Variants in PRKCA observed in about 807,000 individuals in gnomAD.
The protein encoded by PRKCA is protein kinase C alpha, also known as protein kinase C alpha type.
PRKCA carries 27 observed loss-of-function variants against 87.0 expected under a neutral mutation model. That is an observed-to-expected ratio of 0.31 (90% confidence interval 0.23 to 0.43). PRKCA has a LOEUF of 0.43. Ranked by LOEUF, PRKCA falls within the 20% of genes least tolerant of loss-of-function variation. The pLI, the probability that PRKCA is intolerant of heterozygous loss-of-function variation, is 1.00. For synonymous variants in PRKCA, 329 were observed against 311.1 expected (o/e 1.06, Z -0.61); for missense variants, 518 against 852.3 (o/e 0.61, Z 4.88).
Position 66,433,455 on chromosome 17 carries a change from C to A in PRKCA, c.206-62746C>A, listed in dbSNP as rs563868779. Among the ~76,000 whole-genome samples the A allele has an allele frequency of 3.5e-4, 54 of 152,220 alleles. 1 individual carries two copies. The highest frequency in any genetic ancestry group is 1.5e-4 in the Non-Finnish European group (10 of 68,042). Reference sequence around the variant, plus strand: ...TTCTCTGAAACACCAAGTGAGGATGCGTGTTTGCTTGTTTATGGATGGAGT... The same window carrying A: ...TTCTCTGAAACACCAAGTGAGGATGAGTGTTTGCTTGTTTATGGATGGAGT... On this transcript the variant is annotated intron_variant, in intron 2 of 16. Coordinates refer to ENST00000413366, the MANE Select transcript of PRKCA (RefSeq NM_002737.3).
chr17:66,363,337 A>G (rs931846840), intron 2 of PRKCA, among the ~76,000 whole-genome samples: 3 of 152,186 alleles, frequency 2.0e-5, no homozygotes, highest in Non-Finnish European at 4.4e-5. Flanking sequence ...TTACAGTTGC[A>G]TGGAAGGAAT....
intron 3 of PRKCA, among the ~76,000 whole-genome samples, chr17:66,610,491 C>G (rs1368228861): frequency 1.3e-5 from 2 of 152,154 alleles, no homozygotes; most frequent in African/African-American, 4.8e-5. Context: ...AGTGACCAGC[C>G]TGTATCCAGG....
intron 2 of PRKCA, among the ~76,000 whole-genome samples, chr17:66,445,884 G>A (rs1372646019): frequency 6.6e-6 from 1 of 151,830 alleles, no homozygotes; most frequent in Non-Finnish European, 1.5e-5. Context: ...CATGATCTTG[G>A]CTCACTGCAA....
At chr17:66,694,359 G>A (rs1972863578) in intron 8 of PRKCA, among the ~76,000 whole-genome samples, 1 of 151,580 alleles carries the variant, frequency 6.6e-6, no homozygotes, top group African/African-American at 2.4e-5. Flanking sequence ...GCGGGCGCCT[G>A]TAATCCCAGC....
intron 3 of PRKCA, among the ~76,000 whole-genome samples, chr17:66,542,486 G>A (rs979204247): frequency 2.0e-5 from 3 of 152,098 alleles, no homozygotes; most frequent in Non-Finnish European, 4.4e-5. Flanking sequence ...CCCCAAGAAG[G>A]CTTCTTGGGA....
intron 2 of PRKCA, among the ~76,000 whole-genome samples, chr17:66,315,532 T>C (rs1173276610): frequency 6.7e-6 from 1 of 150,312 alleles, no homozygotes; most frequent in East Asian, 2.0e-4. Flanking sequence ...CAGGCTGGAG[T>C]GCAGTAGTGT....
intron 9 of PRKCA, 120 bp downstream of exon 9, chr17:66,732,945 A>C: frequency 8.0e-7 from 1 of 1,248,000 alleles, no homozygotes; most frequent in South Asian, 1.5e-5. Flanking sequence ...AGGTCAGGAG[A>C]TCAAGACCAT....
chr17:66,735,678 A>G lies in PRKCA; in HGVS notation c.1230+16A>G, dbSNP rs1232388086. 1 of 1,610,858 alleles carries G rather than the reference A, an allele frequency of 6.2e-7. No homozygotes were observed. Among genetic ancestry groups the G allele is most frequent in the Admixed American group, 1.7e-5 (1 of 59,892 alleles). On this transcript the variant is annotated intron_variant, in intron 10 of 16. Transcript: ENST00000413366. ...CCAGACAGTGGTAAGGACCCTGGGA[A>G]TCCCTGCGATGCAGTACCCAGCTCT...
intron 2 of PRKCA, among the ~76,000 whole-genome samples, chr17:66,356,548 C>T (rs529038414): frequency 1.3e-5 from 2 of 152,202 alleles, no homozygotes; most frequent in South Asian, 4.1e-4. Context: ...CGCTTGAACC[C>T]AGGAGGCGGA....
chr17:66,616,168 G>A (rs1970512786), intron 3 of PRKCA, among the ~76,000 whole-genome samples: 1 of 152,156 alleles, frequency 6.6e-6, no homozygotes, highest in Admixed American at 6.5e-5. Flanking sequence ...CTTGCCAAAT[G>A]TACATGAATG....
At chr17:66,545,505 A>AT (rs1968122608) in intron 3 of PRKCA, among the ~76,000 whole-genome samples, 1 of 152,182 alleles carries the variant, frequency 6.6e-6, no homozygotes. Flanking sequence ...TAAGACTGTT[A>AT]TTTTTTTTAA....
At chr17:66,513,023 T>C (rs1917310892) in intron 3 of PRKCA, among the ~76,000 whole-genome samples, 3 of 152,196 alleles carry the variant, frequency 2.0e-5, no homozygotes, top group Non-Finnish European at 4.4e-5. Context: ...CTTTATGCAC[T>C]TCAAACCCCC....
At chr17:66,455,783 G>A (rs1246309194) in intron 2 of PRKCA, among the ~76,000 whole-genome samples, 1 of 152,136 alleles carries the variant, frequency 6.6e-6, no homozygotes, top group East Asian at 1.9e-4. Flanking sequence ...ATCTGAGAAG[G>A]GAGTGAGACG....
At chr17:66,416,532 C>T (rs1912162268) in intron 2 of PRKCA, 1 of 152,230 alleles carries the variant, frequency 6.6e-6, no homozygotes, top group Non-Finnish European at 1.5e-5. Context: ...TAAGCCTTTT[C>T]AAGGACTGAC....
chr17:66,459,544 A>G (rs906215059), intron 2 of PRKCA, among the ~76,000 whole-genome samples: 1 of 152,184 alleles, frequency 6.6e-6, no homozygotes, highest in Non-Finnish European at 1.5e-5. Flanking sequence ...TTTTCTGGAA[A>G]ATTCTTCTGG....
chr17:66,349,466 C>A (rs1234314349), intron 2 of PRKCA, among the ~76,000 whole-genome samples: 3 of 151,872 alleles, frequency 2.0e-5, no homozygotes, highest in Admixed American at 2.0e-4. Flanking sequence ...GAGTATGGAG[C>A]TGTTCCGCAG....
intron 2 of PRKCA, among the ~76,000 whole-genome samples, chr17:66,405,114 A>G (rs181833810): frequency 6.6e-6 from 1 of 152,014 alleles, no homozygotes; most frequent in Non-Finnish European, 1.5e-5. Flanking sequence ...GCCCGCCCCT[A>G]TCTCTCCCAT....
At chr17:66,665,748 T>C (rs1265792817) in intron 5 of PRKCA, among the ~76,000 whole-genome samples, 1 of 152,212 alleles carries the variant, frequency 6.6e-6, no homozygotes, top group Non-Finnish European at 1.5e-5. Context: ...CCTGCAGCTA[T>C]GGGTATTTTT....
At chr17:66,445,980 A>G (rs1253552977) in intron 2 of PRKCA, among the ~76,000 whole-genome samples, 1 of 151,538 alleles carries the variant, frequency 6.6e-6, no homozygotes, top group African/African-American at 2.4e-5. Flanking sequence ...CACCTGGCTA[A>G]TTTTTGTATT....
Sources: gnomAD v4.1 joint callset for allele counts (sites outside exome capture counted in the v4.1 genomes callset) on GRCh38, gnomAD v4.1.1 for gene constraint, MANE v1.5 for transcripts, NCBI Gene and HGNC (gene_info 2026-07-23, HGNC 2026-07-21) for gene names.